Variants in SLC44A1 observed in about 807,000 individuals in gnomAD.
The protein encoded by SLC44A1 is solute carrier family 44 member 1, also known as choline transporter-like protein 1.
In SLC44A1, 26 loss-of-function variants were observed where a neutral mutation model predicts 79.3. The observed-to-expected ratio is 0.33, with a 90% CI of 0.24 to 0.46. The LOEUF (loss-of-function observed/expected upper bound fraction) is 0.46, where lower values mean the gene tolerates loss of function less well. Among genes scored for constraint, SLC44A1 ranks in the 20% least tolerant of loss-of-function variants. The pLI is 1.00. For synonymous variants in SLC44A1, 263 were observed against 286.2 expected (o/e 0.92, Z 0.82); for missense variants, 688 against 798.1 (o/e 0.86, Z 1.66).
In SLC44A1 at chr9:105,244,837, C is replaced by T. The variant is rs1483765104; in HGVS notation, c.-32C>T. On this transcript the variant is annotated 5_prime_UTR_variant, in exon 1 of 16. Transcript: ENST00000374720. ...GGGCTCCGGGGCGTAGCTGCGCGCCCGGCGCCGCCTCCGGGCTCCTTCGGC... is the reference window on the plus strand; with the variant it reads ...GGGCTCCGGGGCGTAGCTGCGCGCCTGGCGCCGCCTCCGGGCTCCTTCGGC... The T allele has an allele frequency of 6.3e-6, 7 of 1,110,944 alleles. No homozygotes were observed. Among genetic ancestry groups the T allele is most frequent in the Non-Finnish European group, 7.7e-6 (7 of 912,224 alleles). 68.8% of individuals were successfully genotyped at this position (1,110,944 alleles called of 1,614,324 possible).
In SLC44A1 at chr9:105,390,379, A is replaced by G. The variant is rs1828734207; in HGVS notation, c.*1323A>G. The G allele has an allele frequency of 2.1e-6, 2 of 967,824 alleles. No homozygotes were observed. The highest frequency in any genetic ancestry group is 3.7e-5 in the African/African-American group (2 of 54,170). 60.0% of individuals were successfully genotyped at this position (967,824 alleles called of 1,614,324 possible). A position where few individuals can be genotyped will look rare whatever the true frequency, so the allele number is the denominator to read the frequency against. On this transcript the variant is annotated 3_prime_UTR_variant, in exon 16 of 16. Coordinates refer to ENST00000374720, the MANE Select transcript of SLC44A1 (RefSeq NM_080546.5). ...AGCTATTTTTGTTAATGTAAAGTAA[A>G]TATTTCAGAGCAAATTTTTTAAACT...
rs1015419594 is a variant in SLC44A1, at chr9:105,390,772, G to C, written c.*1716G>C. 1 of 985,100 alleles carries C rather than the reference G, an allele frequency of 1.0e-6. No homozygotes were observed. Among genetic ancestry groups the C allele is most frequent in the Non-Finnish European group, 1.2e-6 (1 of 829,568 alleles). The allele number at this position is 985,100 out of a possible 1,614,324, so 61.0% of individuals were successfully genotyped here. On this transcript the variant is annotated 3_prime_UTR_variant, in exon 16 of 16. Coordinates refer to ENST00000374720, the MANE Select transcript of SLC44A1 (RefSeq NM_080546.5). ...TCAGAATATTTGCAATAAGAGTCTGGATTTTAAAAAACACATGCATACACA... is the reference window on the plus strand; with the variant it reads ...TCAGAATATTTGCAATAAGAGTCTGCATTTTAAAAAACACATGCATACACA...
rs920246180 is a variant in SLC44A1, at chr9:105,394,795, A to C, written c.*5739A>C. 1.0e-6 allele frequency: 1 copy of C among 985,298 alleles called. No homozygotes were observed. Among genetic ancestry groups the C allele is most frequent in the African/African-American group, 1.7e-5 (1 of 57,232 alleles). The allele number at this position is 985,298 out of a possible 1,614,324, so 61.0% of individuals were successfully genotyped here. A position where few individuals can be genotyped will look rare whatever the true frequency, so the allele number is the denominator to read the frequency against. On this transcript the variant is annotated 3_prime_UTR_variant, in exon 16 of 16. Transcript: ENST00000374720. ...CAGATGCTGAAGGTAGAAATGCAAAAGATGTTTTTTCTTCCTGCATAAATC... is the reference window on the plus strand; with the variant it reads ...CAGATGCTGAAGGTAGAAATGCAAACGATGTTTTTTCTTCCTGCATAAATC...
downstream of SLC44A1, among the ~76,000 whole-genome samples, chr9:105,401,447 A>C (rs901006794): frequency 2.0e-5 from 3 of 152,250 alleles, no homozygotes; most frequent in Non-Finnish European, 4.4e-5. Context: ...ATAAGGAAGG[A>C]AAGAGTCCAT....
At chr9:105,281,106 A>C (rs990928981) in intron 1 of SLC44A1, among the ~76,000 whole-genome samples, 1 of 152,238 alleles carries the variant, frequency 6.6e-6, no homozygotes, top group Non-Finnish European at 1.5e-5. Context: ...CACTGTTGTC[A>C]TGGAGAGCAC....
At chr9:105,288,562 T>G (rs1175911743) in intron 1 of SLC44A1, among the ~76,000 whole-genome samples, 1 of 152,194 alleles carries the variant, frequency 6.6e-6, no homozygotes, top group African/African-American at 2.4e-5. Flanking sequence ...TTGCCCAGGC[T>G]GGTACTAAAC....
chr9:105,428,202 CA>C (rs1284820383), intron 15 of SLC44A1, among the ~76,000 whole-genome samples: 4 of 152,048 alleles, frequency 2.6e-5, no homozygotes, highest in Admixed American at 2.0e-4. Context: ...CTTACGCCCC[CA>C]AATCAGTTAA....
Position 105,424,589 on chromosome 9 carries a change from T to A in SLC44A1, c.1951-13692T>A, listed in dbSNP as rs200492760. 1.4e-4 allele frequency among the ~76,000 whole-genome samples: 22 copies of A among 152,268 alleles called. No homozygotes were observed. The East Asian group carries it at 2.3e-3, about 16-fold the overall frequency. On this transcript the variant is annotated intron_variant, in intron 15 of 15. Transcript: ENST00000374724. The stretch of plus-strand genomic sequence containing the variant: ...CCATATAGGATATGATCCCATTAGA[T>A]CTCAACTTCAACTATTATATCAACA...
intron 15 of SLC44A1, among the ~76,000 whole-genome samples, chr9:105,427,644 A>G (rs189963989): frequency 3.3e-5 from 5 of 152,288 alleles, no homozygotes; most frequent in Admixed American, 2.0e-4. Context: ...TCTTTTTATT[A>G]TAGAGATATC....
At chr9:105,259,774 A>G (rs1829799843) in intron 1 of SLC44A1, among the ~76,000 whole-genome samples, 1 of 152,260 alleles carries the variant, frequency 6.6e-6, no homozygotes, top group South Asian at 2.1e-4. Flanking sequence ...TACACTGCTG[A>G]TAGAAGCAGA....
At chr9:105,356,047 A>G (rs546846215) in intron 5 of SLC44A1, 165 bp from the exon 6 acceptor site, 1 of 608,908 alleles carries the variant, frequency 1.6e-6, no homozygotes, top group Admixed American at 3.0e-5. Context: ...ACTACCCATG[A>G]CAGTCATCCT....
intron 1 of SLC44A1, among the ~76,000 whole-genome samples, chr9:105,256,526 A>G (rs536420956): frequency 1.8e-4 from 27 of 150,370 alleles, no homozygotes; most frequent in Non-Finnish European, 3.1e-4. Context: ...ATGTAAGCAT[A>G]TGGCTTTCAT....
At chr9:105,279,563 G>A (rs1428412653) in intron 1 of SLC44A1, among the ~76,000 whole-genome samples, 1 of 151,964 alleles carries the variant, frequency 6.6e-6, no homozygotes, top group African/African-American at 2.4e-5. Flanking sequence ...TGAGCCGCCC[G>A]CCTCGGCCTC....
intron 1 of SLC44A1, among the ~76,000 whole-genome samples, chr9:105,245,994 T>C (rs1478996818): frequency 6.6e-6 from 1 of 152,228 alleles, no homozygotes; most frequent in Admixed American, 6.5e-5. Context: ...TGTGGTGGTG[T>C]ATGAAAAATA....
Position 105,368,830 on chromosome 9 carries a change from G to A in SLC44A1, c.1494+2401G>A, listed in dbSNP as rs541714483. ...AGGCAGGTGGATCATTTGAGGTCAG[G>A]AGTTCGAGACCATCTTGGCCAACAT... On this transcript the variant is annotated intron_variant, in intron 12 of 15. Transcript: ENST00000374720. Among the ~76,000 whole-genome samples the A allele has an allele frequency of 2.7e-4, 41 of 152,272 alleles. No individual in the cohort carries two copies. The South Asian group carries it at 5.8e-3, about 22-fold the overall frequency.
At chr9:105,411,438 G>GTC (rs1396467039) in intron 15 of SLC44A1, among the ~76,000 whole-genome samples, 4 of 143,786 alleles carry the variant, frequency 2.8e-5, no homozygotes, top group African/African-American at 1.1e-4. Context: ...ATCTCTCTTG[G>GTC]TCTCTCTCTG....
chr9:105,418,198 C>G (rs1388884621), intron 15 of SLC44A1, among the ~76,000 whole-genome samples: 1 of 151,424 alleles, frequency 6.6e-6, no homozygotes, highest in Non-Finnish European at 1.5e-5. Context: ...CCTGTAATCC[C>G]AGCTACTCTG....
intron 3 of SLC44A1, among the ~76,000 whole-genome samples, chr9:105,324,092 C>G (rs991305913): frequency 1.3e-5 from 2 of 152,058 alleles, no homozygotes; most frequent in African/African-American, 2.4e-5. Context: ...AGCTCCACCT[C>G]CCGGATTCAC....
intron 15 of SLC44A1, among the ~76,000 whole-genome samples, chr9:105,426,601 A>G (rs192993631): frequency 6.6e-6 from 1 of 152,306 alleles, no homozygotes; most frequent in African/African-American, 2.4e-5. Flanking sequence ...TGCAGAGTAG[A>G]TGTATTTCTT....
Sources: gnomAD v4.1 joint callset for allele counts (sites outside exome capture counted in the v4.1 genomes callset) on GRCh38, gnomAD v4.1.1 for gene constraint, MANE v1.5 for transcripts, NCBI Gene and HGNC (gene_info 2026-07-23, HGNC 2026-07-21) for gene names.